The following JAKMIP3 variants were observed in gnomAD, a reference collection of about 807,000 sequenced individuals.
The protein encoded by JAKMIP3 is janus kinase and microtubule-interacting protein 3.
JAKMIP3 carries 58 observed loss-of-function variants against 118.5 expected under a neutral mutation model. The observed-to-expected ratio is 0.49, with a 90% CI of 0.40 to 0.61. The LOEUF is 0.61. Among genes scored for constraint, JAKMIP3 ranks in the 20% least tolerant of loss-of-function variants. The pLI, the probability that JAKMIP3 is intolerant of heterozygous loss-of-function variation, is 0.00. For missense variants in JAKMIP3, 950 were observed against 1,109.0 expected (o/e 0.86, Z 2.04); for synonymous variants, 486 against 451.2 (o/e 1.08, Z -0.98).
At chr10:132,100,351 C>T (rs1479273180) in intron 1 of JAKMIP3, among the ~76,000 whole-genome samples, 1 of 152,216 alleles carries the variant, frequency 6.6e-6, no homozygotes, top group Non-Finnish European at 1.5e-5. Context: ...AAGCCCATGC[C>T]ACACCCAAGG....
At chr10:132,140,045 C>T (rs1190530424) in intron 9 of JAKMIP3, among the ~76,000 whole-genome samples, 2 of 152,198 alleles carry the variant, frequency 1.3e-5, no homozygotes, top group East Asian at 1.9e-4. Flanking sequence ...GTTTGTATTC[C>T]AATCAGTCAA....
At chr10:132,136,180 G>C in intron 6 of JAKMIP3, 104 bp downstream of exon 6, 1 of 1,247,274 alleles carries the variant, frequency 8.0e-7, no homozygotes, top group Non-Finnish European at 1.1e-6. Context: ...GGTCCCGGGC[G>C]GGTGGCCAGG....
intron 2 of JAKMIP3, among the ~76,000 whole-genome samples, chr10:132,105,388 G>A (rs1025818140): frequency 2.6e-5 from 4 of 152,260 alleles, no homozygotes; most frequent in Admixed American, 2.0e-4. Flanking sequence ...TCCAGATTTG[G>A]AGGAACAGCA....
At chr10:132,054,812 G>A (rs1267450677) in intron 1 of JAKMIP3, among the ~76,000 whole-genome samples, 1 of 152,222 alleles carries the variant, frequency 6.6e-6, no homozygotes, top group Non-Finnish European at 1.5e-5. Flanking sequence ...CACAGAGGCA[G>A]TTCCAGCTTC....
intron 11 of JAKMIP3, among the ~76,000 whole-genome samples, chr10:132,143,082 C>T (rs541400624): frequency 1.8e-4 from 28 of 151,414 alleles, no homozygotes; most frequent in East Asian, 1.4e-3. Context: ...TCATTGGGGA[C>T]GTCTGTTGTG....
Position 132,167,998 on chromosome 10 carries a change from A to G in JAKMIP3, c.*68A>G. 1 of 1,289,622 alleles carries G rather than the reference A, an allele frequency of 7.8e-7. No individual in the cohort carries two copies. Among genetic ancestry groups the G allele is most frequent in the Non-Finnish European group, 1.0e-6 (1 of 988,868 alleles). 79.9% of individuals were successfully genotyped at this position (1,289,622 alleles called of 1,614,324 possible). On this transcript the variant is annotated 3_prime_UTR_variant, in exon 23 of 24. Coordinates refer to ENST00000684848, the MANE Select transcript of JAKMIP3 (RefSeq NM_001323087.2). ...TTTTCCTCCAGTGGGACCAGAAAGC[A>G]GGGACAAAATGGGACGTCGCGTCTC...
intron 1 of JAKMIP3, among the ~76,000 whole-genome samples, chr10:132,096,706 C>T (rs1047515386): frequency 2.0e-5 from 3 of 152,164 alleles, no homozygotes; most frequent in Non-Finnish European, 2.9e-5. Flanking sequence ...CTTTTCCCTG[C>T]TCCCCCATTA....
At chr10:132,105,912 G>C (rs1489911263) in intron 2 of JAKMIP3, among the ~76,000 whole-genome samples, 1 of 152,172 alleles carries the variant, frequency 6.6e-6, no homozygotes, top group Non-Finnish European at 1.5e-5. Flanking sequence ...GTGGAGGGGA[G>C]TCGGGTTATT....
Position 132,049,649 on chromosome 10 carries a change from G to GT in JAKMIP3, c.-138+12917dup, listed in dbSNP as rs1460745283. On this transcript the variant is annotated intron_variant, in intron 1 of 23. Coordinates refer to the JAKMIP3 transcript ENST00000657785. This position sits in a 1 kb window ranked among gnomAD's most constrained non-coding sequence, Gnocchi z 4.3. ...GATGTACAGGTTTCTTCTGCCTTGT[G>GT]TTTTTTCTTTTTTAAAAGTGGGGGA... Among the ~76,000 whole-genome samples, 2 of 151,984 alleles carry GT rather than the reference G, an allele frequency of 1.3e-5. No homozygotes were observed. Among genetic ancestry groups the GT allele is most frequent in the African/African-American group, 4.8e-5 (2 of 41,376 alleles).
chr10:132,038,347 A>C (rs1589994167), intron 1 of JAKMIP3, among the ~76,000 whole-genome samples: 1 of 152,336 alleles, frequency 6.6e-6, no homozygotes, highest in Non-Finnish European at 1.5e-5. Flanking sequence ...CCCCCACGGC[A>C]GTCAGCTCAT....
chr10:132,129,573 G>A (rs2050194560), intron 3 of JAKMIP3, among the ~76,000 whole-genome samples: 2 of 152,194 alleles, frequency 1.3e-5, no homozygotes, highest in South Asian at 4.1e-4. Context: ...TGCAGCTCGG[G>A]CTCTGTTTCC....
chr10:132,040,174 C>T lies in JAKMIP3; in HGVS notation c.-138+3436C>T, dbSNP rs527381341. On this transcript the variant is annotated intron_variant, in intron 1 of 23. Transcript: ENST00000657785. ...GAGATGAGGTTATAGGGTGGGCCCC[C>T]AGGATGGGATGGGTGCCCTTACAAG... Among the ~76,000 whole-genome samples, 21 of 152,244 alleles carry T rather than the reference C, an allele frequency of 1.4e-4. No individual in the cohort carries two copies. The East Asian group carries it at 3.7e-3, about 27-fold the overall frequency.
At chr10:132,084,188 T>C (rs7094844) in intron 1 of JAKMIP3, among the ~76,000 whole-genome samples, 1,970 of 151,938 alleles carry the variant, frequency 0.013, 21 homozygotes, top group African/African-American at 0.02. Flanking sequence ...GTGTTTCCAC[T>C]CGTTTGTGTT....
chr10:132,168,014 G>T lies in JAKMIP3; in HGVS notation c.*84G>T, dbSNP rs546937472. On this transcript the variant is annotated 3_prime_UTR_variant, in exon 23 of 24. Transcript: ENST00000684848. ...CCAGAAAGCAGGGACAAAATGGGACGTCGCGTCTCCATCCTGAAGACCCAG... is the reference window on the plus strand; with the variant it reads ...CCAGAAAGCAGGGACAAAATGGGACTTCGCGTCTCCATCCTGAAGACCCAG... 1.6e-6 allele frequency: 2 copies of T among 1,289,472 alleles called. No homozygotes were observed. Among genetic ancestry groups the T allele is most frequent in the African/African-American group, 3.0e-5 (2 of 65,868 alleles). The allele number at this position is 1,289,472 out of a possible 1,614,324, so 79.9% of individuals were successfully genotyped here. A position where few individuals can be genotyped will look rare whatever the true frequency, so the allele number is the denominator to read the frequency against.
At chr10:132,146,715 C>A (rs2054686116) in intron 13 of JAKMIP3, among the ~76,000 whole-genome samples, 1 of 152,184 alleles carries the variant, frequency 6.6e-6, no homozygotes, top group Non-Finnish European at 1.5e-5. Flanking sequence ...TGCACTGCTG[C>A]CAGCCCAGGG....
At chr10:132,145,780 GCCTGTTCTCCTGGGT>G (rs567776409) in intron 13 of JAKMIP3, among the ~76,000 whole-genome samples, 200 bp downstream of exon 13, 36 of 152,308 alleles carry the variant, frequency 2.4e-4, no homozygotes, top group South Asian at 1.2e-3. Flanking sequence ...GGGAGCTGGG[GCCTGTTCTCCTGGGT>G]CCTGTTCTCC....
rs1354335486 is a variant in JAKMIP3, at chr10:132,150,013, TGGACATCCTGGGCGATAACGCC to T, written c.1981_2002del (p.Asp661Ter). On this transcript the variant is annotated frameshift_variant, in exon 16 of 24. Transcript: ENST00000684848. LOFTEE classifies it high-confidence loss of function. ...GTGGTTGCGGAGCTGATGAAGAAGC[TGGACATCCTGGGCGATAACGCC>T]GTAAGTGTATGTCGCTCTCCTGGCT... is the stretch of plus-strand genomic sequence containing the variant. 6.3e-7 allele frequency: 1 copy of T among 1,580,340 alleles called. No homozygotes were observed. The highest frequency in any genetic ancestry group is 1.8e-5 in the Admixed American group (1 of 56,692).
chr10:132,054,276 G>A (rs2038176999), intron 1 of JAKMIP3, among the ~76,000 whole-genome samples: 1 of 152,104 alleles, frequency 6.6e-6, no homozygotes, highest in Non-Finnish European at 1.5e-5. Flanking sequence ...AATGTAAGGG[G>A]CATGCCTGGA....
chr10:132,144,056 G>A (rs917871231), intron 11 of JAKMIP3: 2 of 150,380 alleles, frequency 1.3e-5, no homozygotes, highest in East Asian at 1.9e-4. Context: ...CCCCCACCCC[G>A]GCTGATGGAT....
Sources: gnomAD v4.1 joint callset for allele counts (sites outside exome capture counted in the v4.1 genomes callset) on GRCh38, gnomAD v4.1.1 for gene constraint, Gnocchi (gnomAD v3.1) non-coding constraint, MANE v1.5 for transcripts, NCBI Gene and HGNC (gene_info 2026-07-23, HGNC 2026-07-21) for gene names.